Variants in NRL observed in about 807,000 individuals in gnomAD.
NRL encodes neural retina leucine zipper.
A neutral mutation model predicts 12.5 loss-of-function variants in NRL; 16 were observed. The observed-to-expected ratio is 1.28, with a 90% confidence interval of 0.87 to 1.95. The LOEUF (loss-of-function observed/expected upper bound fraction) is 1.95, where lower values mean the gene tolerates loss of function less well. Among genes scored for constraint, NRL ranks in the 30% most tolerant of loss-of-function variants. The pLI is 0.00. For synonymous variants in NRL, 142 were observed against 150.9 expected (o/e 0.94, Z 0.43); for missense variants, 314 against 325.8 (o/e 0.96, Z 0.28).
intron 1 of NRL, among the ~76,000 whole-genome samples, chr14:24,111,879 T>C (rs1433757912): frequency 1.6e-5 from 2 of 123,266 alleles, no homozygotes; most frequent in Non-Finnish European, 3.3e-5. Flanking sequence ...CTATGTTGAA[T>C]AGGAGCGGTG....
chr14:24,114,029 C>A (rs1380353976), intron 1 of NRL, among the ~76,000 whole-genome samples: 2 of 145,994 alleles, frequency 1.4e-5, no homozygotes, highest in African/African-American at 5.0e-5. Context: ...TACTCATAAA[C>A]CCGCAGGAGG....
intron 1 of NRL, chr14:24,097,188 G>C (rs1383010975): frequency 6.3e-7 from 1 of 1,585,212 alleles, no homozygotes; most frequent in Non-Finnish European, 8.6e-7. Context: ...AGGCCACTTT[G>C]GGTTCACCAA....
intron 1 of NRL, chr14:24,100,573 A>AT (rs931498788): frequency 2.8e-3 from 2,956 of 1,045,264 alleles, no homozygotes; most frequent in East Asian, 3.2e-3. Flanking sequence ...TACAGGCTGG[A>AT]TTTTTTTTTA....
At chr14:24,097,224 C>T in intron 1 of NRL, 1 of 1,228,200 alleles carries the variant, frequency 8.1e-7, no homozygotes, top group Non-Finnish European at 1.2e-6. Context: ...ACTAGAACAT[C>T]CCAATGGAAT....
intron 1 of NRL, chr14:24,102,566 T>C: frequency 1.7e-6 from 1 of 605,522 alleles, no homozygotes; most frequent in South Asian, 2.2e-5. Flanking sequence ...CGCACCTTCA[T>C]GGCTAAACAA....
intron 1 of NRL, among the ~76,000 whole-genome samples, chr14:24,109,473 A>C (rs970568619): frequency 6.6e-6 from 1 of 152,134 alleles, no homozygotes; most frequent in Non-Finnish European, 1.5e-5. Flanking sequence ...AGGTGGTCAG[A>C]TCATGAGGTC....
At chr14:24,084,767 AGAGAG>A in intron 1 of NRL, 14 of 925,874 alleles carry the variant, frequency 1.5e-5, no homozygotes, top group Non-Finnish European at 1.8e-5. Context: ...GGAAATGGAG[AGAGAG>A]GAGAGTACAA....
chr14:24,081,563 TG>T lies in NRL; in HGVS notation c.386del (p.Ala129GlufsTer17). ...CCAGCGCCGCGTCGGAAAACCGCTC[TG>T]CCAGCTGCGGAGGGAGAATGCAGAA... is the stretch of plus-strand genomic sequence containing the variant. ...EETGAQHVQL[A>X]ERFSDAALVS... On this transcript the variant is annotated frameshift_variant, in exon 3 of 3. Transcript: ENST00000561028. LOFTEE classifies it high-confidence loss of function. The surrounding 1 kb of genome is among the most constrained non-coding windows in gnomAD (Gnocchi z 4.4). The T allele has an allele frequency of 6.3e-6, 10 of 1,596,424 alleles. No individual in the cohort carries two copies. The highest frequency in any genetic ancestry group is 8.5e-6 in the Non-Finnish European group (10 of 1,173,082).
At chr14:24,097,218 G>T in intron 1 of NRL, 1 of 1,293,256 alleles carries the variant, frequency 7.7e-7, no homozygotes, top group Non-Finnish European at 1.1e-6. Flanking sequence ...AACTTAACTA[G>T]AACATCCCAA....
At chr14:24,102,594 G>A (rs2037203910) in intron 1 of NRL, 3 of 631,268 alleles carry the variant, frequency 4.8e-6, no homozygotes, top group Non-Finnish European at 8.3e-6. Flanking sequence ...TCTTGGAGAT[G>A]CCCTGGCTCC....
chr14:24,086,393 C>A (rs2036466939), intron 1 of NRL, among the ~76,000 whole-genome samples: 1 of 152,182 alleles, frequency 6.6e-6, no homozygotes, highest in South Asian at 2.1e-4. Flanking sequence ...ACTCTCTTCC[C>A]ACACCTGGGT....
At chr14:24,087,610 C>G (rs1370588259) in intron 1 of NRL, among the ~76,000 whole-genome samples, 3 of 152,168 alleles carry the variant, frequency 2.0e-5, no homozygotes, top group Non-Finnish European at 4.4e-5. Flanking sequence ...GTAATAGATC[C>G]AAATCCTCAA....
intron 1 of NRL, chr14:24,100,453 A>T: frequency 3.2e-6 from 3 of 942,506 alleles, no homozygotes; most frequent in Non-Finnish European, 4.5e-6. Context: ...ACATCAGTTG[A>T]ATGAGGGTAG....
rs775809596 is a variant in NRL, at chr14:24,102,773, C to T, written c.-28+11949G>A. 31 of 1,613,828 alleles carry T rather than the reference C, an allele frequency of 1.9e-5. No homozygotes were observed. Among genetic ancestry groups the T allele is most frequent in the Non-Finnish European group, 2.4e-5 (28 of 1,179,850 alleles). ...GCCAGGTGACAAGGAGCCCTGTGCA[C>T]ATCCCAACTCTCGATTTTGTGCCCC... On this transcript the variant is annotated intron_variant, in intron 1 of 2. Coordinates refer to ENST00000561028, the MANE Select transcript of NRL (RefSeq NM_001354768.3).
At chr14:24,083,816 T>C (rs964382890) in intron 1 of NRL, among the ~76,000 whole-genome samples, 1 of 152,230 alleles carries the variant, frequency 6.6e-6, no homozygotes, top group Non-Finnish European at 1.5e-5. Context: ...CATATTAACC[T>C]GAGCAATCCT....
At chr14:24,091,119 CTGTGTGTGTGTGTG>C (rs55656236) in intron 1 of NRL, among the ~76,000 whole-genome samples, 130 of 138,732 alleles carry the variant, frequency 9.4e-4, no homozygotes, top group African/African-American at 3.3e-3. Context: ...CAGAAAAGGC[CTGTGTGTGTGTGTG>C]TGTGTGTGTG....
At position 24,094,556 on chromosome 14, in the gene NRL, C is replaced by A; in HGVS notation, c.-27-11681G>T. Reference sequence around the variant, plus strand: ...GTTTCCCATCCTAGGCGGAGGCGGGCAGGGGCGACTGCTGTGGGTCCAGCC... The same window carrying A: ...GTTTCCCATCCTAGGCGGAGGCGGGAAGGGGCGACTGCTGTGGGTCCAGCC... On this transcript the variant is annotated intron_variant, in intron 1 of 2. Transcript: ENST00000561028. The surrounding 1 kb of genome is among the most constrained non-coding windows in gnomAD (Gnocchi z 4.1). 1 of 1,441,128 alleles carries A rather than the reference C, an allele frequency of 6.9e-7. No homozygotes were observed. Among genetic ancestry groups the A allele is most frequent in the Non-Finnish European group, 9.1e-7 (1 of 1,101,654 alleles). The allele number at this position is 1,441,128 out of a possible 1,614,324, so 89.3% of individuals were successfully genotyped here. A position where few individuals can be genotyped will look rare whatever the true frequency, so the allele number is the denominator to read the frequency against.
chr14:24,087,085 A>C (rs1306104844), intron 1 of NRL, among the ~76,000 whole-genome samples: 1 of 152,212 alleles, frequency 6.6e-6, no homozygotes, highest in Non-Finnish European at 1.5e-5. Context: ...CAGAGGAAGG[A>C]GACTAAGGAG....
chr14:24,091,381 G>C (rs904622956), intron 1 of NRL, among the ~76,000 whole-genome samples: 2 of 152,144 alleles, frequency 1.3e-5, no homozygotes, highest in Admixed American at 1.3e-4. Flanking sequence ...TGTTTAATTT[G>C]AGTGCAGATG....
Sources: gnomAD v4.1 joint callset for allele counts (sites outside exome capture counted in the v4.1 genomes callset) on GRCh38, gnomAD v4.1.1 for gene constraint, Gnocchi (gnomAD v3.1) non-coding constraint, MANE v1.5 for transcripts, NCBI Gene and HGNC (gene_info 2026-07-23, HGNC 2026-07-21) for gene names.